Variants in KDM2B observed in about 807,000 individuals in gnomAD.
KDM2B encodes the protein lysine demethylase 2B.
A neutral mutation model predicts 150.0 loss-of-function variants in KDM2B; 26 were observed. The ratio of observed to expected loss-of-function variants is 0.17; its 90% confidence interval spans 0.13 to 0.24. KDM2B has a LOEUF of 0.24. Among genes scored for constraint, KDM2B ranks in the 10% least tolerant of loss-of-function variants. The probability of loss-of-function intolerance (pLI) is 1.00; values close to 1 mark genes in which losing one functional copy is unlikely to be tolerated. For synonymous variants in KDM2B, 734 were observed against 729.5 expected, an observed-to-expected ratio of 1.01 and a Z score of -0.10; for missense variants, 1,265 against 1,816.9, an observed-to-expected ratio of 0.70 and a Z score of 5.52.
intron 8 of KDM2B, among the ~76,000 whole-genome samples, chr12:121,525,362 G>T (rs1401309423): frequency 6.6e-6 from 1 of 152,046 alleles, no homozygotes; most frequent in Admixed American, 6.6e-5. Context: ...CACCTCCCAG[G>T]TTCAAGCCAT....
At chr12:121,550,169 G>A (rs1889374612) in intron 4 of KDM2B, among the ~76,000 whole-genome samples, 1 of 152,136 alleles carries the variant, frequency 6.6e-6, no homozygotes, top group South Asian at 2.1e-4. Flanking sequence ...AAATAGCCGG[G>A]CGTGGTGGCT....
At chr12:121,568,819 G>T (rs1555315467) in intron 4 of KDM2B, among the ~76,000 whole-genome samples, 23 of 148,968 alleles carry the variant, frequency 1.5e-4, no homozygotes, top group African/African-American at 2.5e-5. Context: ...AATGAATGGG[G>T]TTTTTTTAAG....
intron 22 of KDM2B, among the ~76,000 whole-genome samples, chr12:121,431,136 GCT>G (rs1872927127): frequency 7.8e-6 from 1 of 128,734 alleles, no homozygotes; most frequent in Non-Finnish European, 1.8e-5. Flanking sequence ...CACCCTTTGT[GCT>G]TTTTTTTTTT....
the KDM2B span, among the ~76,000 whole-genome samples, chr12:121,411,088 C>A: frequency 2.6e-5 from 4 of 152,106 alleles, no homozygotes; most frequent in Non-Finnish European, 5.9e-5. Context: ...CACATGCCAC[C>A]ACACCTGGCT....
intron 22 of KDM2B, among the ~76,000 whole-genome samples, chr12:121,431,466 G>A (rs1593698376): frequency 6.6e-6 from 1 of 151,876 alleles, no homozygotes. Context: ...TATTACATTT[G>A]TGACCTTTGC....
At position 121,509,716 on chromosome 12, in the gene KDM2B, T is replaced by G. The variant is rs782732717; in HGVS notation, c.1498A>C (p.Thr500Pro). The change falls in exon 11 of 23, where the codon ACG becomes CCG. Residue 500 changes from threonine to proline, a missense_variant. Thr to Pro is a conservative substitution (Grantham distance 38). This residue lies in a region of KDM2B where 154 missense variants were observed against 162.5 expected (regional missense o/e 0.95). Transcript: ENST00000377071. ...YPKTPTGSPA[T>P]EVSAKWTHLT... ...TGGGTCCATTTGGCAGAGACCTCCGTGGCGGGAGAGCCGGTGGGGGTCTTG... is the reference window on the plus strand; with the variant it reads ...TGGGTCCATTTGGCAGAGACCTCCGGGGCGGGAGAGCCGGTGGGGGTCTTG... The G allele has an allele frequency of 3.4e-5, 55 of 1,613,992 alleles. No homozygotes were observed. The highest frequency in any genetic ancestry group is 1.6e-4 in the Middle Eastern group (1 of 6,084).
intron 4 of KDM2B, among the ~76,000 whole-genome samples, chr12:121,570,904 G>C (rs1269672244): frequency 6.6e-6 from 1 of 152,150 alleles, no homozygotes; most frequent in African/African-American, 2.4e-5. Context: ...CAGCCAAAAA[G>C]TAGAAACAAC....
Position 121,474,780 on chromosome 12 carries a change from T to C in KDM2B, c.1734+19799A>G, listed in dbSNP as rs1376979606. Among the ~76,000 whole-genome samples the C allele has an allele frequency of 5.9e-5, 9 of 152,100 alleles. No individual in the cohort carries two copies. In the East Asian group the frequency reaches 1.8e-3, roughly 30 times the overall value. On this transcript the variant is annotated intron_variant, in intron 12 of 22. Coordinates refer to ENST00000377071, the MANE Select transcript of KDM2B (RefSeq NM_032590.5). ...CCAACCTGGCAACACGGCAAAACCC[T>C]ATCTCTACAAAAAATACAAACATTA...
In KDM2B at chr12:121,430,047, A is replaced by G; in HGVS notation, c.*241T>C. ...CTCCGACAGGAATGTCTTCTTGTAA[A>G]GGCCGCCTTAGAAATGGTCCAGAAA... is the stretch of plus-strand genomic sequence containing the variant. On this transcript the variant is annotated 3_prime_UTR_variant, in exon 23 of 23. Coordinates refer to ENST00000377071, the MANE Select transcript of KDM2B (RefSeq NM_032590.5). The surrounding 1 kb of genome is among the most constrained non-coding windows in gnomAD (Gnocchi z 4.4). 1 of 1,340,334 alleles carries G rather than the reference A, an allele frequency of 7.5e-7. No individual in the cohort carries two copies. The highest frequency in any genetic ancestry group is 1.1e-6 in the Non-Finnish European group (1 of 930,396). The allele number at this position is 1,340,334 out of a possible 1,614,324, so 83.0% of individuals were successfully genotyped here. A position where few individuals can be genotyped will look rare whatever the true frequency, so the allele number is the denominator to read the frequency against.
rs200216662 is a variant in KDM2B, at chr12:121,444,099, G to A, written c.2364C>T (p.Asp788=). The change falls in exon 16 of 23, where the codon GAC becomes GAT. Residue 788 remains aspartate, a synonymous_variant. Transcript: ENST00000377071. ...SDEHSKKVPP[D]GLLRRKSDDV... is the part of the protein sequence containing the mutation. ...CGTCAGACTTTCTGCGCAGAAGGCCGTCCGGCGGCACCTTCTTCGAGTGCT... is the reference window on the plus strand; with the variant it reads ...CGTCAGACTTTCTGCGCAGAAGGCCATCCGGCGGCACCTTCTTCGAGTGCT... 1.5e-5 allele frequency: 24 copies of A among 1,613,750 alleles called. No homozygotes were observed. Among genetic ancestry groups the A allele is most frequent in the African/African-American group, 6.7e-5 (5 of 75,064 alleles).
the KDM2B span, among the ~76,000 whole-genome samples, chr12:121,409,009 T>G: frequency 2.0e-5 from 3 of 151,658 alleles, no homozygotes; most frequent in South Asian, 2.1e-4. Flanking sequence ...TCTTGCTCGG[T>G]CACCCAGGCT....
intron 12 of KDM2B, among the ~76,000 whole-genome samples, chr12:121,465,965 C>T (rs112745226): frequency 0.012 from 1,842 of 152,232 alleles, 45 homozygotes; most frequent in African/African-American, 0.042. Context: ...TAATCCAATC[C>T]GAAAGAGCCG....
the KDM2B span, among the ~76,000 whole-genome samples, chr12:121,410,154 C>CA: frequency 0.19 from 28,754 of 148,906 alleles, 4,229 homozygotes; most frequent in African/African-American, 0.41. Flanking sequence ...AACTCCGTCT[C>CA]AAAAAAAAAG....
At chr12:121,422,464 A>G in the KDM2B span, among the ~76,000 whole-genome samples, 1 of 152,228 alleles carries the variant, frequency 6.6e-6, no homozygotes, top group Non-Finnish European at 1.5e-5. Context: ...CTCCATTGGC[A>G]TATCTGCCAT....
chr12:121,509,710 C>A lies in KDM2B; in HGVS notation c.1504G>T (p.Val502Phe), dbSNP rs1555303537. The A allele has an allele frequency of 6.2e-7, 1 of 1,614,146 alleles. No individual in the cohort carries two copies. Among genetic ancestry groups the A allele is most frequent in the Non-Finnish European group, 8.5e-7 (1 of 1,180,038 alleles). The change falls in exon 11 of 23, where the codon GTC becomes TTC. Residue 502 changes from valine to phenylalanine, a missense_variant. By Grantham distance (50) the Val-to-Phe change is conservative. Transcript: ENST00000377071. ...KTPTGSPATE[V>F]SAKWTHLTEF... ...GTGAGATGGGTCCATTTGGCAGAGACCTCCGTGGCGGGAGAGCCGGTGGGG... is the reference window on the plus strand; with the variant it reads ...GTGAGATGGGTCCATTTGGCAGAGAACTCCGTGGCGGGAGAGCCGGTGGGG...
intron 12 of KDM2B, among the ~76,000 whole-genome samples, chr12:121,471,238 C>T (rs542987335): frequency 6.6e-6 from 1 of 152,274 alleles, no homozygotes; most frequent in East Asian, 1.9e-4. Flanking sequence ...ACTGAATCCT[C>T]CCCCAATTCC....
chr12:121,532,786 G>C lies in KDM2B; in HGVS notation c.931+20C>G. On this transcript the variant is annotated intron_variant, in intron 8 of 22. Coordinates refer to ENST00000377071, the MANE Select transcript of KDM2B (RefSeq NM_032590.5). ...CCGCAGGAGACTCGAGGAGCCCAGAGAGTGCCCCTGGAAACCTACCGGAAG... is the reference window on the plus strand; with the variant it reads ...CCGCAGGAGACTCGAGGAGCCCAGACAGTGCCCCTGGAAACCTACCGGAAG... 2 of 1,612,948 alleles carry C rather than the reference G, an allele frequency of 1.2e-6. No homozygotes were observed. The highest frequency in any genetic ancestry group is 2.2e-5 in the East Asian group (1 of 44,872).
Position 121,442,640 on chromosome 12 carries a change from T to G in KDM2B, c.2801A>C (p.Lys934Thr), listed in dbSNP as rs1555288787. The G allele has an allele frequency of 6.2e-7, 1 of 1,604,934 alleles. No homozygotes were observed. Among genetic ancestry groups the G allele is most frequent in the South Asian group, 1.1e-5 (1 of 90,650 alleles). ...GGGAAGCCGCCGCTTCCGGCGCATC[T>G]TCACCTTCTTCTTCTCCTCCGGGCC... ...AEGPEEKKKV[K>T]MRRKRRLPNK... Residue 934 changes from lysine (K) to threonine (T), a missense_variant, in exon 19 of 23, where the codon AAG becomes ACG. Physicochemically the swap from Lys to Thr is moderately conservative, Grantham distance 78. This residue lies in a region of KDM2B where 418 missense variants were observed against 402.4 expected (regional missense o/e 1.04). Coordinates refer to ENST00000377071, the MANE Select transcript of KDM2B (RefSeq NM_032590.5). The surrounding 1 kb of genome is among the most constrained non-coding windows in gnomAD (Gnocchi z 7.7).
At chr12:121,432,083 T>C (rs565618549) in intron 22 of KDM2B, among the ~76,000 whole-genome samples, 2 of 152,082 alleles carry the variant, frequency 1.3e-5, no homozygotes, top group Admixed American at 6.5e-5. Context: ...GGTTTCACCA[T>C]GTTAGCCAGG....
Sources: allele counts gnomAD v4.1 joint callset (sites outside exome capture counted in the v4.1 genomes callset), GRCh38; gene constraint gnomAD v4.1.1; regional missense constraint gnomAD v4.1.1; non-coding constraint Gnocchi (gnomAD v3.1); transcripts MANE v1.5; gene names NCBI Gene and HGNC (gene_info 2026-07-23, HGNC 2026-07-21).